The following DTNA variants were observed in gnomAD, a reference collection of about 807,000 sequenced individuals.
The protein encoded by DTNA is dystrophin-related protein 3.
Under a neutral mutation model 100.7 loss-of-function variants are expected in DTNA, and 43 were observed. That is an observed-to-expected ratio of 0.43 (90% CI 0.33 to 0.55). The LOEUF is 0.55. DTNA is among the 20% of genes least tolerant of loss of function. DTNA has a pLI of 0.04. For missense variants in DTNA, 798 were observed against 953.9 expected (o/e 0.84, Z 2.15); for synonymous variants, 349 against 347.9 (o/e 1.00, Z -0.04).
intron 1 of DTNA, among the ~76,000 whole-genome samples, chr18:34,526,733 A>G (rs1050363453): frequency 2.6e-5 from 4 of 152,108 alleles, no homozygotes; most frequent in African/African-American, 7.2e-5. Context: ...TGACCCTTCT[A>G]TTGTTTAAGA....
At chr18:34,604,206 C>CT (rs1329617299) in intron 1 of DTNA, among the ~76,000 whole-genome samples, 3 of 152,150 alleles carry the variant, frequency 2.0e-5, no homozygotes, top group Admixed American at 6.5e-5. Context: ...CTTGTCCACT[C>CT]TGAGAAGATA....
At chr18:34,634,968 A>G (rs938135591) in intron 1 of DTNA, among the ~76,000 whole-genome samples, 2 of 152,188 alleles carry the variant, frequency 1.3e-5, no homozygotes, top group African/African-American at 4.8e-5. Context: ...ATCTGGTAAC[A>G]TGTTAGCATT....
chr18:34,888,354 G>A lies in DTNA; in HGVS notation c.*620G>A, dbSNP rs2096940780. On this transcript the variant is annotated 3_prime_UTR_variant, in exon 23 of 23. Transcript: ENST00000444659. Reference sequence around the variant, plus strand: ...TGGTTCCTGAGTGTACAAACTCAGAGCCCGGAAGCCAAGAAGGGTCCTTGG... The same window carrying A: ...TGGTTCCTGAGTGTACAAACTCAGAACCCGGAAGCCAAGAAGGGTCCTTGG... The A allele has an allele frequency of 1.0e-6, 1 of 985,618 alleles. No homozygotes were observed. Among genetic ancestry groups the A allele is most frequent in the South Asian group, 4.7e-5 (1 of 21,286 alleles). The allele number at this position is 985,618 out of a possible 1,614,324, so 61.1% of individuals were successfully genotyped here. A position where few individuals can be genotyped will look rare whatever the true frequency, so the allele number is the denominator to read the frequency against.
intron 1 of DTNA, among the ~76,000 whole-genome samples, chr18:34,601,452 C>A (rs1177924930): frequency 6.6e-6 from 1 of 152,174 alleles, no homozygotes; most frequent in Non-Finnish European, 1.5e-5. Context: ...CTTCCAGTGT[C>A]TGAGCCCAGC....
intron 9 of DTNA, among the ~76,000 whole-genome samples, chr18:34,823,669 G>A (rs2095784382): frequency 6.6e-6 from 1 of 152,108 alleles, no homozygotes. Flanking sequence ...CTCTGTCTTG[G>A]TCATCCTCAT....
chr18:34,581,529 A>T (rs1191343512), intron 1 of DTNA, among the ~76,000 whole-genome samples: 2 of 152,070 alleles, frequency 1.3e-5, no homozygotes, highest in African/African-American at 2.4e-5. Context: ...AATTTGATAG[A>T]GAAGAGAAAG....
rs575794568 is a variant in DTNA at position 34,539,338 on chromosome 18, T to C, written c.-2+45824T>C. Among the ~76,000 whole-genome samples, 4 of 152,164 alleles carry C rather than the reference T, an allele frequency of 2.6e-5. No individual in the cohort carries two copies. The South Asian group carries it at 8.3e-4, about 31-fold the overall frequency. On this transcript the variant is annotated intron_variant, in intron 1 of 19. Coordinates refer to the DTNA transcript ENST00000283365. ...CATTTTGAATTTAAAATTTGAATTC[T>C]AAATTTGATTGTAGATTCTAGTTTC...
chr18:34,829,540 G>C, intron 11 of DTNA, 51 bp downstream of exon 11: 7 of 1,442,216 alleles, frequency 4.9e-6, no homozygotes, highest in Non-Finnish European at 6.4e-6. Context: ...TCCATAGCTA[G>C]ACTGATAAGT....
chr18:34,616,452 A>T (rs1028209473), intron 1 of DTNA, among the ~76,000 whole-genome samples: 1 of 152,168 alleles, frequency 6.6e-6, no homozygotes, highest in Non-Finnish European at 1.5e-5. Flanking sequence ...ATATTTGCAA[A>T]CTATGCATAT....
rs751345058 is a variant in DTNA, at chr18:34,794,101, C to G, written c.213C>G (p.Asp71Glu). 6.2e-7 allele frequency: 1 copy of G among 1,614,088 alleles called. No homozygotes were observed. The highest frequency in any genetic ancestry group is 2.2e-5 in the East Asian group (1 of 44,856). Reference sequence around the variant, plus strand: ...GGGAAAATGCTCTGAACAACCTGGACCCAAACACTGAACTCAACGTGTCCC... The same window carrying G: ...GGGAAAATGCTCTGAACAACCTGGAGCCAAACACTGAACTCAACGTGTCCC... The part of the protein sequence containing the change: ...ALRENALNNL[D>E]PNTELNVSRL... Residue 71 changes from aspartate (D) to glutamate (E), a missense_variant, in exon 4 of 23, where the codon GAC (aspartate) becomes GAG (glutamate). Transcript: ENST00000444659.
At chr18:34,711,072 A>C (rs994730123) in intron 1 of DTNA, among the ~76,000 whole-genome samples, 4 of 152,198 alleles carry the variant, frequency 2.6e-5, no homozygotes, top group Non-Finnish European at 4.4e-5. Flanking sequence ...TGTGTGATAC[A>C]GGATTTAAAA....
chr18:34,881,632 C>A lies in DTNA; in HGVS notation c.2163-437C>A, dbSNP rs367996257. Among the ~76,000 whole-genome samples the A allele has an allele frequency of 3.6e-4, 55 of 151,862 alleles. No homozygotes were observed. In the South Asian group the frequency reaches 4.2e-3, roughly 11 times the overall value. On this transcript the variant is annotated intron_variant, in intron 20 of 22. Transcript: ENST00000444659. ...AACACAAAAGAGGTTAAATTATAAC[C>A]AAATGTCCTTAAGCATTATTTCACT...
chr18:34,606,065 G>C (rs1354877496), intron 1 of DTNA, among the ~76,000 whole-genome samples: 1 of 152,074 alleles, frequency 6.6e-6, no homozygotes, highest in Non-Finnish European at 1.5e-5. Flanking sequence ...TCAAGATAGG[G>C]ATATAAGAAA....
At position 34,587,339 on chromosome 18, in the gene DTNA, A is replaced by G. The variant is rs191865923; in HGVS notation, c.-2+93825A>G. ...ATTTAGGAGAAAATCAAATGCTAAA[A>G]CAGACACTCCTGAAAAAATATGTTT... On this transcript the variant is annotated intron_variant, in intron 1 of 19. Transcript: ENST00000283365. Among the ~76,000 whole-genome samples, 731 of 152,020 alleles carry G rather than the reference A, an allele frequency of 4.8e-3. 3 individuals are homozygous for G. The highest frequency in any genetic ancestry group is 7.9e-3 in the South Asian group (38 of 4,818).
At chr18:34,736,191 T>C (rs938593191) in intron 1 of DTNA, among the ~76,000 whole-genome samples, 2 of 152,184 alleles carry the variant, frequency 1.3e-5, no homozygotes, top group African/African-American at 2.4e-5. Flanking sequence ...ATAAGTATTA[T>C]AAAGGAGAGC....
At chr18:34,608,277 A>C (rs1418968848) in intron 1 of DTNA, among the ~76,000 whole-genome samples, 1 of 152,232 alleles carries the variant, frequency 6.6e-6, no homozygotes, top group East Asian at 1.9e-4. Context: ...TATCACGGTC[A>C]GGAGTAGTCT....
At chr18:34,864,220 G>T (rs1041442753) in intron 17 of DTNA, among the ~76,000 whole-genome samples, 158 bp downstream of exon 17, 18 of 151,454 alleles carry the variant, frequency 1.2e-4, no homozygotes, top group African/African-American at 3.6e-4. Context: ...GACCAGTGTA[G>T]CAGTAGCTGT....
intron 16 of DTNA, among the ~76,000 whole-genome samples, chr18:34,859,056 C>T (rs1473779029): frequency 1.3e-5 from 2 of 152,198 alleles, no homozygotes; most frequent in African/African-American, 4.8e-5. Flanking sequence ...CTGATTTTCT[C>T]TAAGTCTTGG....
chr18:34,712,279 T>C (rs2083052583), intron 1 of DTNA, among the ~76,000 whole-genome samples: 2 of 152,132 alleles, frequency 1.3e-5, no homozygotes, highest in Non-Finnish European at 2.9e-5. Context: ...TAAATCTGTA[T>C]CTGTCAGAGA....
Sources: allele counts gnomAD v4.1 joint callset (sites outside exome capture counted in the v4.1 genomes callset), GRCh38; gene constraint gnomAD v4.1.1; transcripts MANE v1.5; gene names NCBI Gene and HGNC (gene_info 2026-07-23, HGNC 2026-07-21).